Variants in NDUFAF6 observed in about 807,000 individuals in gnomAD.
NDUFAF6 encodes NADH dehydrogenase (ubiquinone) complex I, assembly factor 6.
In NDUFAF6, 45 loss-of-function variants were observed where a neutral mutation model predicts 40.8. The ratio of observed to expected loss-of-function variants is 1.10; its 90% CI spans 0.87 to 1.42. The LOEUF is 1.42. Among genes scored for constraint, NDUFAF6 ranks in the 40% most tolerant of loss-of-function variants. The probability of loss-of-function intolerance (pLI) is 0.00; values close to 1 mark genes in which losing one functional copy is unlikely to be tolerated. For synonymous variants in NDUFAF6, 185 were observed against 155.9 expected (o/e 1.19, Z -1.39); for missense variants, 435 against 418.5 (o/e 1.04, Z -0.34).
chr8:94,938,401 TCCTGGCATACAA>T (rs1821200273), intron 1 of NDUFAF6, among the ~76,000 whole-genome samples: 1 of 152,220 alleles, frequency 6.6e-6, no homozygotes, highest in Admixed American at 6.5e-5. Context: ...CTTGTCAGTC[TCCTGGCATACAA>T]CTCCTAAAAT....
chr8:95,118,435 T>G (rs147966163), downstream of NDUFAF6, among the ~76,000 whole-genome samples: 315 of 152,304 alleles, frequency 2.1e-3, 4 homozygotes, highest in African/African-American at 7.3e-3. Flanking sequence ...TATCTTTTAT[T>G]ATCTACTGCA....
chr8:94,914,803 G>A (rs1232840086), intron 1 of NDUFAF6, among the ~76,000 whole-genome samples: 1 of 151,420 alleles, frequency 6.6e-6, no homozygotes, highest in Non-Finnish European at 1.5e-5. Context: ...TGTAATCCCA[G>A]CTACCTGGGA....
At chr8:94,935,715 C>G (rs555354999) in intron 1 of NDUFAF6, among the ~76,000 whole-genome samples, 4 of 152,206 alleles carry the variant, frequency 2.6e-5, no homozygotes, top group African/African-American at 9.6e-5. Flanking sequence ...ATTGGTAAAG[C>G]CCTGATTCAG....
chr8:95,084,799 G>A (rs6471510), intron 2 of NDUFAF6, among the ~76,000 whole-genome samples: 86,638 of 152,078 alleles, frequency 0.57, 24,943 homozygotes, highest in East Asian at 0.77. Flanking sequence ...GGTACCTGTC[G>A]TAGGATTTAG....
chr8:95,053,638 T>C (rs1163347678), intron 8 of NDUFAF6, among the ~76,000 whole-genome samples: 1 of 151,962 alleles, frequency 6.6e-6, no homozygotes, highest in Non-Finnish European at 1.5e-5. Context: ...TTTCTTTTTT[T>C]TTTTGGAGGC....
In NDUFAF6 at chr8:95,052,201, G is replaced by C. The variant is rs1382357457; in HGVS notation, c.844G>C (p.Val282Leu). The C allele has an allele frequency of 1.2e-6, 2 of 1,613,982 alleles. No homozygotes were observed. Among genetic ancestry groups the C allele is most frequent in the African/African-American group, 2.7e-5 (2 of 74,902 alleles). ...HARSFHKTVP[V>L]KAFPAFLQTV... is the part of the protein sequence containing the mutation. ...TAGGTCCTTTCACAAAACTGTTCCT[G>C]TGAAAGCATTTCCTGCTTTTCTTCA... The change falls in exon 8 of 9, where the codon GTG becomes CTG. Residue 282 changes from valine to leucine, a missense_variant. Physicochemically the swap from Val to Leu is conservative, Grantham distance 32. Transcript: ENST00000396124.
At chr8:95,042,666 G>T (rs1830274292) in intron 4 of NDUFAF6, among the ~76,000 whole-genome samples, 1 of 152,170 alleles carries the variant, frequency 6.6e-6, no homozygotes, top group African/African-American at 2.4e-5. Context: ...AAATGCAAGG[G>T]ACCCAGAATA....
At chr8:95,092,826 G>C (rs997197724) in intron 2 of NDUFAF6, among the ~76,000 whole-genome samples, 6 of 152,016 alleles carry the variant, frequency 3.9e-5, no homozygotes, top group African/African-American at 7.2e-5. Context: ...CCTCATGATC[G>C]GCCTGCTTTG....
At chr8:95,044,896 G>GCCACTTTTT (rs1433423084) in intron 4 of NDUFAF6, among the ~76,000 whole-genome samples, 1 of 152,014 alleles carries the variant, frequency 6.6e-6, no homozygotes, top group African/African-American at 2.4e-5. Context: ...CTCGCTATTA[G>GCCACTTTTT]ATTCTCATTT....
At chr8:94,914,435 T>C (rs1007013517) in intron 1 of NDUFAF6, among the ~76,000 whole-genome samples, 2 of 152,166 alleles carry the variant, frequency 1.3e-5, no homozygotes, top group Non-Finnish European at 2.9e-5. Context: ...TACATGTACC[T>C]CTCAAACATT....
At position 95,057,988 on chromosome 8, in the gene NDUFAF6, T is replaced by A. The variant is rs1832409016; in HGVS notation, c.*51T>A. ...TTCTAGTCTATTAGTTTTATAAAAGTTAGGATTCTTATTTAGGAACAACAG... is the reference window on the plus strand; with the variant it reads ...TTCTAGTCTATTAGTTTTATAAAAGATAGGATTCTTATTTAGGAACAACAG... On this transcript the variant is annotated 3_prime_UTR_variant, in exon 9 of 9. Transcript: ENST00000396124. 1 of 1,521,832 alleles carries A rather than the reference T, an allele frequency of 6.6e-7. No homozygotes were observed. The highest frequency in any genetic ancestry group is 1.4e-5 in the African/African-American group (1 of 72,214). 94.3% of individuals were successfully genotyped at this position (1,521,832 alleles called of 1,614,324 possible).
intron 1 of NDUFAF6, among the ~76,000 whole-genome samples, chr8:95,031,026 C>A (rs1489429236): frequency 1.3e-5 from 2 of 152,322 alleles, no homozygotes. Context: ...GGGATGGCAC[C>A]AAACCATTCA....
At chr8:95,092,582 T>C (rs75194295) in intron 2 of NDUFAF6, among the ~76,000 whole-genome samples, 1 of 23,236 alleles carries the variant, frequency 4.3e-5, no homozygotes, top group South Asian at 3.3e-3. Context: ...CGAAGCCTTT[T>C]TTTTTTTTTT....
chr8:95,045,786 T>C (rs1830679035), intron 5 of NDUFAF6, 139 bp downstream of exon 5: 2 of 641,360 alleles, frequency 3.1e-6, no homozygotes, highest in South Asian at 3.9e-5. Flanking sequence ...GTTTTTTTTG[T>C]TATTATTATT....
chr8:94,968,026 A>T (rs1824158697), intron 1 of NDUFAF6, among the ~76,000 whole-genome samples: 1 of 151,820 alleles, frequency 6.6e-6, no homozygotes, highest in South Asian at 2.1e-4. Context: ...CAGCTCACTC[A>T]CATGGTAGTT....
chr8:95,053,627 C>CTTTTT (rs200115852), intron 8 of NDUFAF6, among the ~76,000 whole-genome samples: 2 of 151,248 alleles, frequency 1.3e-5, no homozygotes, highest in African/African-American at 4.9e-5. Flanking sequence ...CTTTCTTTTT[C>CTTTTT]TTTCTTTTTT....
At chr8:94,958,886 T>C (rs1276134337) in intron 1 of NDUFAF6, among the ~76,000 whole-genome samples, 1 of 152,166 alleles carries the variant, frequency 6.6e-6, no homozygotes, top group Non-Finnish European at 1.5e-5. Context: ...ATTCAGCCCA[T>C]AACACTAAGC....
At chr8:95,079,896 TG>T (rs1021663886), downstream of NDUFAF6, among the ~76,000 whole-genome samples, 1 of 148,102 alleles carries the variant, frequency 6.8e-6, no homozygotes, top group African/African-American at 2.5e-5. Flanking sequence ...AGTGATTTTT[TG>T]TAGTGTATTT....
At chr8:95,048,215 C>T (rs1010425302) in intron 6 of NDUFAF6, among the ~76,000 whole-genome samples, 3 of 152,068 alleles carry the variant, frequency 2.0e-5, no homozygotes, top group African/African-American at 7.2e-5. Flanking sequence ...AATCTTGTTG[C>T]ATGTTCCAGG....
Sources: gnomAD v4.1 joint callset for allele counts (sites outside exome capture counted in the v4.1 genomes callset) on GRCh38, gnomAD v4.1.1 for gene constraint, MANE v1.5 for transcripts, NCBI Gene and HGNC (gene_info 2026-07-23, HGNC 2026-07-21) for gene names.